The following MTUS1 variants were observed in gnomAD, a reference collection of about 807,000 sequenced individuals.
The protein encoded by MTUS1 is microtubule-associated tumor suppressor 1.
A neutral mutation model predicts 120.8 loss-of-function variants in MTUS1; 109 were observed. The observed-to-expected ratio is 0.90, with a 90% CI of 0.77 to 1.06. MTUS1 has a LOEUF of 1.06. Ranked by LOEUF, MTUS1 falls within the 50% of genes least tolerant of loss-of-function variation. The pLI, the probability that MTUS1 is intolerant of heterozygous loss-of-function variation, is 0.00. For synonymous variants in MTUS1, 737 were observed against 550.5 expected (o/e 1.34, Z -4.74); for missense variants, 2,210 against 1,486.3 (o/e 1.49, Z -8.01).
chr8:17,667,303 A>G (rs6984355), intron 8 of MTUS1, among the ~76,000 whole-genome samples: 79,155 of 152,106 alleles, frequency 0.52, 21,783 homozygotes, highest in Middle Eastern at 0.68. Flanking sequence ...GGTTTTCAGT[A>G]TATTAATAGA....
At chr8:17,654,198 C>A (rs1418696261) in intron 10 of MTUS1, 10 of 237,784 alleles carry the variant, frequency 4.2e-5, no homozygotes, top group Non-Finnish European at 8.1e-5. Context: ...CGACATTTCA[C>A]AGCAACACTG....
Position 17,723,768 on chromosome 8 carries a change from A to G in MTUS1, c.2353T>C (p.Ser785Pro). ...GCAGGACTTTTCAAAGATGCTTTGG[A>G]TTTAGGAAGTGGTCTAGGCAAATTC... ...WVNLPRPLPKSKASLKSPALR... is the reference protein window; with the variant it reads ...WVNLPRPLPKPKASLKSPALR... Residue 785 changes from serine (S) to proline (P), a missense_variant, in exon 4 of 15, where the codon TCC (serine) becomes CCC (proline). Ser to Pro is a moderately conservative substitution (Grantham distance 74, BLOSUM62 -1). Coordinates refer to ENST00000693296, the MANE Select transcript of MTUS1 (RefSeq NM_001363059.2). 1 of 1,610,294 alleles carries G rather than the reference A, an allele frequency of 6.2e-7. No individual in the cohort carries two copies. Among genetic ancestry groups the G allele is most frequent in the Non-Finnish European group, 8.5e-7 (1 of 1,177,532 alleles).
chr8:17,674,155 C>T (rs182141530), intron 8 of MTUS1, among the ~76,000 whole-genome samples: 26 of 152,154 alleles, frequency 1.7e-4, no homozygotes, highest in Admixed American at 9.2e-4. Context: ...AAGGGAGTGT[C>T]GGCTGGGTGC....
At chr8:17,763,572 C>T (rs542992206) in intron 1 of MTUS1, among the ~76,000 whole-genome samples, 3 of 152,108 alleles carry the variant, frequency 2.0e-5, no homozygotes, top group African/African-American at 4.8e-5. Context: ...CAGAATGGCC[C>T]GACCTCTTTT....
At chr8:17,713,943 A>C (rs572158879) in intron 5 of MTUS1, among the ~76,000 whole-genome samples, 2 of 152,370 alleles carry the variant, frequency 1.3e-5, no homozygotes, top group South Asian at 4.1e-4. Context: ...CTGTTGCGAC[A>C]TAACCTATCC....
intron 1 of MTUS1, among the ~76,000 whole-genome samples, chr8:17,769,528 T>C (rs914889683): frequency 1.4e-4 from 21 of 150,980 alleles, no homozygotes; most frequent in African/African-American, 5.2e-4. Context: ...TTTGTATTTT[T>C]AGTAGAGACG....
intron 1 of MTUS1, among the ~76,000 whole-genome samples, chr8:17,775,174 A>C (rs1349723675): frequency 6.6e-6 from 1 of 152,154 alleles, no homozygotes; most frequent in African/African-American, 2.4e-5. Flanking sequence ...AATACTGGTG[A>C]TAGTTACACA....
At chr8:17,777,849 G>T (rs2050577637) in intron 1 of MTUS1, among the ~76,000 whole-genome samples, 1 of 151,836 alleles carries the variant, frequency 6.6e-6, no homozygotes, top group African/African-American at 2.4e-5. Context: ...ACTTAGAAAT[G>T]ATGAAAATGT....
intron 6 of MTUS1, among the ~76,000 whole-genome samples, chr8:17,691,042 A>G (rs966176479): frequency 6.6e-6 from 1 of 152,220 alleles, no homozygotes; most frequent in Non-Finnish European, 1.5e-5. Context: ...ACCAGAATAA[A>G]TTGTTCTAAC....
chr8:17,661,047 C>A (rs1226452497), intron 8 of MTUS1, among the ~76,000 whole-genome samples: 1 of 152,194 alleles, frequency 6.6e-6, no homozygotes, highest in East Asian at 1.9e-4. Flanking sequence ...GGAGAACATT[C>A]TCTGCACATT....
At chr8:17,655,614 C>G (rs1318835208) in intron 9 of MTUS1, among the ~76,000 whole-genome samples, 2 of 152,128 alleles carry the variant, frequency 1.3e-5, no homozygotes, top group Non-Finnish European at 2.9e-5. Flanking sequence ...GTCCCAGCTA[C>G]TCAGGAGGTT....
At chr8:17,685,766 T>A (rs967320266) in intron 6 of MTUS1, among the ~76,000 whole-genome samples, 1 of 152,250 alleles carries the variant, frequency 6.6e-6, no homozygotes, top group African/African-American at 2.4e-5. Context: ...TAATACTTGA[T>A]AATTCTCAGT....
chr8:17,705,852 C>A (rs1820049597), intron 6 of MTUS1: 1 of 152,230 alleles, frequency 6.6e-6, no homozygotes, highest in South Asian at 2.1e-4. Context: ...GTAAACCAAT[C>A]AGGGTACTGG....
chr8:17,744,448 G>C (rs569294729), intron 2 of MTUS1, among the ~76,000 whole-genome samples: 70 of 151,990 alleles, frequency 4.6e-4, no homozygotes, highest in African/African-American at 1.6e-3. Flanking sequence ...TTGACACGGA[G>C]TCTCCTCTAT....
At chr8:17,673,484 C>A (rs1812440993) in intron 8 of MTUS1, among the ~76,000 whole-genome samples, 1 of 152,148 alleles carries the variant, frequency 6.6e-6, no homozygotes, top group African/African-American at 2.4e-5. Flanking sequence ...CAGAGTCTTG[C>A]TCTGTTGGCC....
In MTUS1 at chr8:17,709,843, TA is replaced by T. The variant is rs1342909866; in HGVS notation, c.2623+3370del. 7.2e-5 allele frequency among the ~76,000 whole-genome samples: 11 copies of T among 151,908 alleles called. No individual in the cohort carries two copies. In the East Asian group the frequency reaches 2.1e-3, roughly 29 times the overall value. ...TAACACGGTGAAACCCCGTCTCTAC[TA>T]AAAATACAAAAAATTAGCCGGGCAT... On this transcript the variant is annotated intron_variant, in intron 6 of 14. Coordinates refer to ENST00000693296, the MANE Select transcript of MTUS1 (RefSeq NM_001363059.2).
At chr8:17,728,316 G>T (rs1359211907) in intron 3 of MTUS1, among the ~76,000 whole-genome samples, 2 of 152,132 alleles carry the variant, frequency 1.3e-5, no homozygotes, top group Admixed American at 6.5e-5. Context: ...GTTTCATCAG[G>T]CTGGTCTCAA....
At chr8:17,738,327 G>C (rs779466758) in intron 3 of MTUS1, among the ~76,000 whole-genome samples, 1 of 152,124 alleles carries the variant, frequency 6.6e-6, no homozygotes, top group African/African-American at 2.4e-5. Flanking sequence ...CAGGAGTCAC[G>C]GGGCAGGGAG....
chr8:17,674,488 A>G, intron 8 of MTUS1: 2 of 985,370 alleles, frequency 2.0e-6, no homozygotes, highest in Non-Finnish European at 2.4e-6. Context: ...TGTCTGTTCC[A>G]TGAACCCTAA....
Sources: gnomAD v4.1 joint callset for allele counts (sites outside exome capture counted in the v4.1 genomes callset) on GRCh38, gnomAD v4.1.1 for gene constraint, MANE v1.5 for transcripts, NCBI Gene and HGNC (gene_info 2026-07-23, HGNC 2026-07-21) for gene names.